Variants in SPAG16 observed in about 807,000 individuals in gnomAD.
SPAG16 encodes sperm-associated antigen 16 protein.
Under a neutral mutation model 80.4 loss-of-function variants are expected in SPAG16, and 86 were observed. The ratio of observed to expected loss-of-function variants is 1.07; its 90% confidence interval spans 0.90 to 1.28. SPAG16 has a LOEUF of 1.28. Among genes scored for constraint, SPAG16 ranks in the 50% most tolerant of loss-of-function variants. The pLI is 0.00. For synonymous variants in SPAG16, 294 were observed against 265.9 expected (o/e 1.11, Z -1.03); for missense variants, 870 against 765.3 (o/e 1.14, Z -1.61).
At chr2:214,196,697 A>T (rs1241218691) in intron 15 of SPAG16, among the ~76,000 whole-genome samples, 1 of 152,064 alleles carries the variant, frequency 6.6e-6, no homozygotes, top group Non-Finnish European at 1.5e-5. Context: ...ATTTTAAAAC[A>T]TGCATCATAT....
chr2:213,636,432 T>G (rs1419670176), intron 10 of SPAG16, among the ~76,000 whole-genome samples: 2 of 152,118 alleles, frequency 1.3e-5, no homozygotes, highest in Non-Finnish European at 2.9e-5. Flanking sequence ...TGATCATGTG[T>G]GTGCACTCAT....
intron 12 of SPAG16, among the ~76,000 whole-genome samples, chr2:213,963,674 A>G (rs2044569309): frequency 6.6e-6 from 1 of 152,082 alleles, no homozygotes; most frequent in Non-Finnish European, 1.5e-5. Flanking sequence ...CTTCCTTCAA[A>G]TTATCAGCTC....
intron 9 of SPAG16, among the ~76,000 whole-genome samples, chr2:213,486,786 G>T (rs1229435072): frequency 6.6e-6 from 1 of 152,076 alleles, no homozygotes; most frequent in East Asian, 1.9e-4. Context: ...GATTAATATA[G>T]AATTATTTCA....
Position 213,986,891 on chromosome 2 carries a change from C to CAAAAAA in SPAG16, c.1401-27038_1401-27033dup, listed in dbSNP as rs369965944. Among the ~76,000 whole-genome samples, 8 of 57,638 alleles carry CAAAAAA rather than the reference C, an allele frequency of 1.4e-4. 1 individual carries two copies. The highest frequency in any genetic ancestry group is 3.1e-4 in the African/African-American group (6 of 19,186). 37.8% of individuals were successfully genotyped at this position (57,638 alleles called of 152,430 possible). The stretch of plus-strand genomic sequence containing the variant: ...GTCAATTTGTCTGCCTCTGGTATAG[C>CAAAAAA]AAAAAAAAAAAAAAAAAAAAAAAAA... On this transcript the variant is annotated intron_variant, in intron 12 of 15. Coordinates refer to ENST00000331683, the MANE Select transcript of SPAG16 (RefSeq NM_024532.5).
intron 13 of SPAG16, among the ~76,000 whole-genome samples, chr2:214,017,533 G>A (rs1369092450): frequency 2.0e-5 from 3 of 152,050 alleles, no homozygotes; most frequent in Non-Finnish European, 4.4e-5. Context: ...AAGCACTAAT[G>A]CTTAGAAGTA....
intron 11 of SPAG16, among the ~76,000 whole-genome samples, chr2:213,892,582 A>G (rs1256398773): frequency 2.6e-5 from 4 of 152,132 alleles, no homozygotes; most frequent in Non-Finnish European, 5.9e-5. Context: ...GAAATTCAGA[A>G]ATATATCAGA....
chr2:213,553,163 G>T (rs918423551), intron 10 of SPAG16, among the ~76,000 whole-genome samples: 1 of 152,094 alleles, frequency 6.6e-6, no homozygotes, highest in Admixed American at 6.6e-5. Context: ...TCCCTCCAGA[G>T]AACCTTGACT....
chr2:214,264,483 G>C (rs937750380), intron 15 of SPAG16, among the ~76,000 whole-genome samples: 5 of 151,880 alleles, frequency 3.3e-5, no homozygotes, highest in Admixed American at 1.3e-4. Flanking sequence ...GTAGTTTTAG[G>C]TTTACAGAAA....
At chr2:214,086,526 C>T (rs1459999659) in intron 13 of SPAG16, among the ~76,000 whole-genome samples, 3 of 152,088 alleles carry the variant, frequency 2.0e-5, no homozygotes, top group Non-Finnish European at 2.9e-5. Flanking sequence ...AGTGAGTTCT[C>T]ATGAGATCTG....
At chr2:214,039,667 G>A (rs1465284618) in intron 13 of SPAG16, among the ~76,000 whole-genome samples, 1 of 152,222 alleles carries the variant, frequency 6.6e-6, no homozygotes, top group East Asian at 1.9e-4. Flanking sequence ...ATTGATCCTT[G>A]ACTGACCACT....
intron 10 of SPAG16, among the ~76,000 whole-genome samples, chr2:213,751,104 ATATAT>A: frequency 6.6e-6 from 1 of 152,190 alleles, no homozygotes; most frequent in East Asian, 1.9e-4. Flanking sequence ...ATTAACAATA[ATATAT>A]TTTAAATTTT....
chr2:214,405,877 A>G (rs1342195608), intron 15 of SPAG16, among the ~76,000 whole-genome samples: 3 of 152,352 alleles, frequency 2.0e-5, no homozygotes, highest in Non-Finnish European at 2.9e-5. Flanking sequence ...AAGAATAGCT[A>G]CATCACAGTG....
At chr2:213,683,085 A>G (rs1028313427) in intron 10 of SPAG16, among the ~76,000 whole-genome samples, 3 of 152,190 alleles carry the variant, frequency 2.0e-5, no homozygotes. Flanking sequence ...TTTCAGTGGT[A>G]TTGCAAAAGA....
At chr2:213,529,854 A>T (rs2076011166) in intron 10 of SPAG16, among the ~76,000 whole-genome samples, 5 of 152,054 alleles carry the variant, frequency 3.3e-5, no homozygotes, top group Admixed American at 3.3e-4. Context: ...TTCTTTAGAC[A>T]TTTTTTTCTA....
intron 13 of SPAG16, among the ~76,000 whole-genome samples, chr2:214,084,362 T>C (rs563681771): frequency 1.3e-5 from 2 of 152,338 alleles, no homozygotes; most frequent in South Asian, 4.2e-4. Context: ...AATGACTTTT[T>C]TGTTTTCCTC....
chr2:213,442,043 G>A (rs1397193563), intron 9 of SPAG16, among the ~76,000 whole-genome samples: 1 of 152,190 alleles, frequency 6.6e-6, no homozygotes, highest in African/African-American at 2.4e-5. Context: ...AGCTACTCGG[G>A]AGGTTGAGGC....
At chr2:214,173,050 C>T (rs1226050963) in intron 15 of SPAG16, among the ~76,000 whole-genome samples, 1 of 151,272 alleles carries the variant, frequency 6.6e-6, no homozygotes, top group Admixed American at 6.6e-5. Context: ...TGTAGGTTGC[C>T]TGTTCACTCT....
At chr2:213,302,877 A>C (rs1304175028) in intron 3 of SPAG16, among the ~76,000 whole-genome samples, 1 of 152,108 alleles carries the variant, frequency 6.6e-6, no homozygotes, top group Non-Finnish European at 1.5e-5. Context: ...GCAACCGTAC[A>C]TACAACAAAC....
chr2:214,009,978 A>C, intron 12 of SPAG16, among the ~76,000 whole-genome samples: 1 of 145,604 alleles, frequency 6.9e-6, no homozygotes, highest in Non-Finnish European at 1.5e-5. Context: ...AAGAACATGA[A>C]GTGCATAAAG....
Sources: gnomAD v4.1 joint callset for allele counts (sites outside exome capture counted in the v4.1 genomes callset) on GRCh38, gnomAD v4.1.1 for gene constraint, MANE v1.5 for transcripts, NCBI Gene and HGNC (gene_info 2026-07-23, HGNC 2026-07-21) for gene names.